DACH2: variants seen among roughly 807,000 people sequenced by gnomAD.
DACH2 encodes dachshund family transcription factor 2.
A neutral mutation model predicts 35.8 loss-of-function variants in DACH2; 17 were observed. The observed-to-expected ratio is 0.48, with a 90% CI of 0.33 to 0.71. DACH2 has a LOEUF of 0.71. Among genes scored for constraint, DACH2 ranks in the 30% least tolerant of loss-of-function variants. The pLI is 0.02. For missense variants in DACH2, 469 were observed against 472.7 expected (o/e 0.99, Z 0.07); for synonymous variants, 195 against 177.3 (o/e 1.10, Z -0.79).
intron 2 of DACH2, among the ~76,000 whole-genome samples, chrX:86,509,154 A>G (rs747059970): frequency 9.0e-6 from 1 of 111,489 alleles, no homozygotes; most frequent in Non-Finnish European, 1.9e-5. Context: ...TGCTCTTAGT[A>G]TATCTACGCT....
chrX:86,662,966 T>C (rs757196739), intron 4 of DACH2, among the ~76,000 whole-genome samples: 1 of 111,620 alleles, frequency 9.0e-6, no homozygotes, highest in African/African-American at 3.2e-5. Context: ...AAAAGGATAA[T>C]GATTACACGT....
intron 1 of DACH2, among the ~76,000 whole-genome samples, chrX:86,316,766 C>T (rs2034917318): frequency 9.0e-6 from 1 of 110,767 alleles, no homozygotes; most frequent in Non-Finnish European, 1.9e-5. Flanking sequence ...ATTTGCAGCA[C>T]CATCTGAAGC....
chrX:86,335,108 A>G (rs1329209855), intron 1 of DACH2, among the ~76,000 whole-genome samples: 4 of 110,599 alleles, frequency 3.6e-5, no homozygotes, highest in African/African-American at 1.3e-4. Context: ...GTTCTGTTCC[A>G]TTTTTCTACA....
intron 3 of DACH2, among the ~76,000 whole-genome samples, chrX:86,609,510 A>G (rs1439032882): frequency 8.9e-6 from 1 of 112,042 alleles, no homozygotes; most frequent in Non-Finnish European, 1.9e-5. Context: ...TTCCTGAATT[A>G]TCTTTATACT....
At chrX:86,542,207 G>A (rs2038893775) in intron 3 of DACH2, among the ~76,000 whole-genome samples, 1 of 111,154 alleles carries the variant, frequency 9.0e-6, no homozygotes, top group Non-Finnish European at 1.9e-5. Context: ...CATGAATAAA[G>A]TGCTATTGTT....
chrX:86,367,338 C>A (rs1337968876), intron 1 of DACH2, among the ~76,000 whole-genome samples: 2 of 111,393 alleles, frequency 1.8e-5, no homozygotes, highest in Non-Finnish European at 3.8e-5. Flanking sequence ...AAAATGTCTA[C>A]AGGATTTTTC....
chrX:86,585,512 G>A (rs1360695491), intron 3 of DACH2, among the ~76,000 whole-genome samples: 1 of 110,512 alleles, frequency 9.0e-6, no homozygotes, highest in Non-Finnish European at 1.9e-5. Flanking sequence ...AATAAGCATA[G>A]TACCCTATAG....
chrX:86,774,436 G>A (rs1219905640), intron 7 of DACH2, among the ~76,000 whole-genome samples: 1 of 112,022 alleles, frequency 8.9e-6, no homozygotes, highest in East Asian at 2.8e-4. Flanking sequence ...TTAACATTCA[G>A]ATAGACTGCA....
chrX:86,636,772 C>T (rs55779605), intron 3 of DACH2, among the ~76,000 whole-genome samples: 23,581 of 109,670 alleles, frequency 0.22, 2,280 homozygotes, highest in East Asian at 0.48. Flanking sequence ...ATACAACCTA[C>T]GCAATACCAT....
At chrX:86,807,140 A>C (rs2042352391) in intron 7 of DACH2, among the ~76,000 whole-genome samples, 2 of 111,795 alleles carry the variant, frequency 1.8e-5, no homozygotes, top group South Asian at 3.7e-4. Flanking sequence ...TTTAAGGTGA[A>C]GCTGGGCTCA....
chrX:86,793,515 G>A (rs938018502), intron 7 of DACH2, among the ~76,000 whole-genome samples: 1 of 111,643 alleles, frequency 9.0e-6, no homozygotes, highest in African/African-American at 3.2e-5. Flanking sequence ...ATCACACATG[G>A]TTCCCATTTA....
At chrX:86,251,618 G>A (rs1301041603) in intron 1 of DACH2, among the ~76,000 whole-genome samples, 8 of 111,459 alleles carry the variant, frequency 7.2e-5, no homozygotes, top group Non-Finnish European at 1.5e-4. Flanking sequence ...AGTTACTTCC[G>A]TTAGAATAAT....
At chrX:86,537,065 C>T (rs890780716) in intron 3 of DACH2, among the ~76,000 whole-genome samples, 2 of 111,091 alleles carry the variant, frequency 1.8e-5, no homozygotes, top group African/African-American at 6.6e-5. Flanking sequence ...TGGAGACATC[C>T]TTTGAAATCT....
intron 7 of DACH2, among the ~76,000 whole-genome samples, chrX:86,792,064 A>G (rs2042191758): frequency 8.9e-6 from 1 of 111,786 alleles, no homozygotes; most frequent in East Asian, 2.8e-4. Context: ...TGCTTTCTTC[A>G]AAAGGGTGGA....
intron 2 of DACH2, among the ~76,000 whole-genome samples, chrX:86,419,108 A>G (rs73631938): frequency 0.088 from 9,750 of 111,349 alleles, 1,075 homozygotes; most frequent in African/African-American, 0.3. Flanking sequence ...CATTTTGGTC[A>G]AAGCCATTCA....
chrX:86,191,828 C>A (rs2031842318), intron 1 of DACH2, among the ~76,000 whole-genome samples: 1 of 110,286 alleles, frequency 9.1e-6, no homozygotes, highest in Non-Finnish European at 1.9e-5. Flanking sequence ...GTAATCCCAG[C>A]CACTTGGGAA....
intron 3 of DACH2, among the ~76,000 whole-genome samples, chrX:86,556,334 G>A (rs1187936969): frequency 2.7e-5 from 3 of 110,518 alleles, no homozygotes; most frequent in Non-Finnish European, 3.8e-5. Context: ...TTTAACTCCC[G>A]TAAGAACTAT....
At chrX:86,236,161 A>G (rs1240468334) in intron 1 of DACH2, among the ~76,000 whole-genome samples, 1 of 111,534 alleles carries the variant, frequency 9.0e-6, no homozygotes, top group African/African-American at 3.3e-5. Context: ...AGGGATACTA[A>G]ATCCGCACAA....
At chrX:86,606,275 ATTG>A (rs2039856832) in intron 3 of DACH2, among the ~76,000 whole-genome samples, 1 of 82,364 alleles carries the variant, frequency 1.2e-5, no homozygotes, top group Non-Finnish European at 2.6e-5. Context: ...GACATGAGAC[ATTG>A]TTAGATTTTT....
Sources: allele counts gnomAD v4.1 joint callset (sites outside exome capture counted in the v4.1 genomes callset), GRCh38; gene constraint gnomAD v4.1.1; transcripts MANE v1.5; gene names NCBI Gene and HGNC (gene_info 2026-07-23, HGNC 2026-07-21).